TOMM70: variants seen among roughly 807,000 people sequenced by gnomAD.
TOMM70 encodes translocase of outer mitochondrial membrane 70.
TOMM70 carries 13 observed loss-of-function variants against 73.6 expected under a neutral mutation model. That is an observed-to-expected ratio of 0.18 (90% CI 0.11 to 0.28). The LOEUF (loss-of-function observed/expected upper bound fraction) is 0.28, where lower values mean the gene tolerates loss of function less well. Among genes scored for constraint, TOMM70 ranks in the 10% least tolerant of loss-of-function variants. The probability of loss-of-function intolerance (pLI) is 1.00; values close to 1 mark genes in which losing one functional copy is unlikely to be tolerated. For synonymous variants in TOMM70, 257 were observed against 271.2 expected, an observed-to-expected ratio of 0.95 and a Z score of 0.51; for missense variants, 609 against 747.5, an observed-to-expected ratio of 0.81 and a Z score of 2.16.
intron 1 of TOMM70, among the ~76,000 whole-genome samples, chr3:100,399,205 G>A (rs1706860011): frequency 6.6e-6 from 1 of 151,818 alleles, no homozygotes; most frequent in South Asian, 2.1e-4. Context: ...CTTGAACCCA[G>A]GAGGCGGAGG....
intron 1 of TOMM70, among the ~76,000 whole-genome samples, chr3:100,392,860 T>G (rs1706778847): frequency 6.6e-6 from 1 of 152,138 alleles, no homozygotes; most frequent in African/African-American, 2.4e-5. Context: ...GTATGTTTAT[T>G]GCAGCACAAT....
At chr3:100,381,472 T>A (rs1482462221) in intron 5 of TOMM70, 143 bp downstream of exon 5, 9 of 340,764 alleles carry the variant, frequency 2.6e-5, no homozygotes, top group Non-Finnish European at 4.2e-5. Context: ...TAATATTATA[T>A]AATTTTTAAT....
intron 11 of TOMM70, among the ~76,000 whole-genome samples, chr3:100,366,850 A>G (rs746763898): frequency 4.9e-4 from 75 of 152,338 alleles, no homozygotes; most frequent in Non-Finnish European, 7.5e-4. Flanking sequence ...AGCTTCGCTC[A>G]AAAAAGATTA....
rs1484014270 is a variant in TOMM70 at position 100,400,945 on chromosome 3, G to A, written c.5C>T (p.Ala2Val). The A allele has an allele frequency of 3.3e-6, 5 of 1,529,288 alleles. No individual in the cohort carries two copies. Among genetic ancestry groups the A allele is most frequent in the Non-Finnish European group, 4.4e-6 (5 of 1,144,566 alleles). The allele number at this position is 1,529,288 out of a possible 1,614,324, so 94.7% of individuals were successfully genotyped here. A position where few individuals can be genotyped will look rare whatever the true frequency, so the allele number is the denominator to read the frequency against. Residue 2 changes from alanine to valine, a missense_variant, in exon 1 of 12, where the codon GCC (alanine) becomes GTC (valine). Ala to Val is a moderately conservative substitution (Grantham distance 64). This residue lies in a region of TOMM70 where 177 missense variants were observed against 163.5 expected (regional missense o/e 1.08). Coordinates refer to ENST00000284320, the MANE Select transcript of TOMM70 (RefSeq NM_014820.5). The stretch of plus-strand genomic sequence containing the variant: ...CGCTGCCTCCACAGGTTTAGAGGCG[G>A]CCATGACAAGTGTCCTCTGCCACCG... M[A>V]ASKPVEAAVV... is the part of the protein sequence containing the mutation.
Position 100,365,656 on chromosome 3 carries a change from T to C in TOMM70, c.1735A>G (p.Met579Val), listed in dbSNP as rs757910991. The C allele has an allele frequency of 3.7e-5, 59 of 1,614,134 alleles. No homozygotes were observed. The highest frequency in any genetic ancestry group is 3.3e-5 in the South Asian group (3 of 91,088). Residue 579 changes from methionine to valine, a missense_variant, in exon 12 of 12, where the codon ATG becomes GTG. Physicochemically the swap from Met to Val is conservative, Grantham distance 21 (BLOSUM62 1). Coordinates refer to ENST00000284320, the MANE Select transcript of TOMM70 (RefSeq NM_014820.5). The part of the protein sequence containing the change: ...NKAINLAKSE[M>V]EMAHLYSLCD... ...AGTGAATACAGATGGGCCATCTCCA[T>C]TTCCGATTTGGCCAGGTTAATAGCT...
intron 5 of TOMM70, among the ~76,000 whole-genome samples, chr3:100,380,171 CT>C (rs1347464584): frequency 1.3e-5 from 2 of 151,998 alleles, no homozygotes; most frequent in African/African-American, 4.8e-5. Flanking sequence ...CATGGTGAAA[CT>C]CCGTCTCTAC....
At chr3:100,387,593 GACACAGACACAC>G (rs1249139761) in intron 1 of TOMM70, among the ~76,000 whole-genome samples, 3 of 98,744 alleles carry the variant, frequency 3.0e-5, no homozygotes, top group South Asian at 3.2e-4. Flanking sequence ...CACAGACACA[GACACAGACACAC>G]ACACACACAC....
chr3:100,377,729 G>C lies in TOMM70; in HGVS notation c.1068C>G (p.Ile356Met). The C allele has an allele frequency of 1.2e-6, 2 of 1,613,372 alleles. No homozygotes were observed. The highest frequency in any genetic ancestry group is 1.7e-6 in the Non-Finnish European group (2 of 1,179,432). ...NAAKPDLDKV[I>M]SLKEANVKLR... ...CCTTCACATTAGCTTCTTTCAAACT[G>C]ATGACTTTATCTAAATCTGGTTTGG... The change falls in exon 6 of 12, where the codon ATC (isoleucine) becomes ATG (methionine). Residue 356 changes from isoleucine to methionine, a missense_variant. This residue lies in a region of TOMM70 where 432 missense variants were observed against 584.1 expected (regional missense o/e 0.74). Coordinates refer to ENST00000284320, the MANE Select transcript of TOMM70 (RefSeq NM_014820.5).
chr3:100,385,942 C>T (rs899938791), intron 3 of TOMM70, among the ~76,000 whole-genome samples: 1 of 152,104 alleles, frequency 6.6e-6, no homozygotes, highest in African/African-American at 2.4e-5. Flanking sequence ...TTTCCTTATT[C>T]AGAGAATTAT....
chr3:100,399,278 CAAA>C (rs200617536), intron 1 of TOMM70, among the ~76,000 whole-genome samples: 1 of 91,288 alleles, frequency 1.1e-5, no homozygotes, highest in African/African-American at 4.0e-5. Flanking sequence ...GACTCCATCT[CAAA>C]AAAAAAAAAA....
chr3:100,367,956 T>C, intron 11 of TOMM70, 88 bp downstream of exon 11: 1 of 1,352,384 alleles, frequency 7.4e-7, no homozygotes, highest in Non-Finnish European at 1.0e-6. Flanking sequence ...GGAAAGAACA[T>C]AACAGACTTT....
chr3:100,391,020 A>G (rs1340315639), intron 1 of TOMM70, among the ~76,000 whole-genome samples: 3 of 152,072 alleles, frequency 2.0e-5, no homozygotes, highest in Non-Finnish European at 2.9e-5. Flanking sequence ...GGGCGCCTGT[A>G]GTCCCAGCTA....
At chr3:100,396,939 A>G (rs1706832580) in intron 1 of TOMM70, among the ~76,000 whole-genome samples, 1 of 152,276 alleles carries the variant, frequency 6.6e-6, no homozygotes. Context: ...CCCAATAGAC[A>G]GAAGTCCAGT....
At chr3:100,384,438 G>C in intron 4 of TOMM70, 41 bp downstream of exon 4, 3 of 1,418,432 alleles carry the variant, frequency 2.1e-6, no homozygotes. Flanking sequence ...CCTTCACAAT[G>C]TACACAGTAC....
intron 1 of TOMM70, among the ~76,000 whole-genome samples, chr3:100,392,739 G>C (rs1245068876): frequency 6.6e-6 from 1 of 151,992 alleles, no homozygotes; most frequent in Non-Finnish European, 1.5e-5. Context: ...TAAAGAACTA[G>C]AATAGACATA....
chr3:100,371,486 CA>C (rs35328496), intron 9 of TOMM70, among the ~76,000 whole-genome samples: 22,918 of 151,684 alleles, frequency 0.15, 3,221 homozygotes, highest in East Asian at 0.49. Flanking sequence ...AGGCTAGTCT[CA>C]AAACTCCTGG....
chr3:100,400,646 G>C lies in TOMM70; in HGVS notation c.304C>G (p.Pro102Ala). The C allele has an allele frequency of 1.9e-6, 3 of 1,612,284 alleles. No homozygotes were observed. Among genetic ancestry groups the C allele is most frequent in the Non-Finnish European group, 2.5e-6 (3 of 1,179,622 alleles). The change falls in exon 1 of 12, where the codon CCC becomes GCC. Residue 102 changes from proline to alanine, a missense_variant. This residue lies in a region of TOMM70 where 177 missense variants were observed against 163.5 expected (regional missense o/e 1.08). Transcript: ENST00000284320. ...CTCACCATGTCCAAGTGAGCACCGG[G>C]ACCTTCAGGGTGTCCGCTGCCCGGG... ...PAPGSGHPEG[P>A]GAHLDMNSLD...
chr3:100,399,072 A>G (rs1272630287), intron 1 of TOMM70, among the ~76,000 whole-genome samples: 1 of 152,186 alleles, frequency 6.6e-6, no homozygotes, highest in East Asian at 1.9e-4. Context: ...ACCTGAGGTC[A>G]GGAGTTCAAG....
At chr3:100,395,542 C>CAA (rs59048767) in intron 1 of TOMM70, among the ~76,000 whole-genome samples, 8,485 of 80,936 alleles carry the variant, frequency 0.1, 753 homozygotes, top group African/African-American at 0.2. Flanking sequence ...GACTCCAACT[C>CAA]AAAAAAAAAA....
Sources: allele counts gnomAD v4.1 joint callset (sites outside exome capture counted in the v4.1 genomes callset), GRCh38; gene constraint gnomAD v4.1.1; regional missense constraint gnomAD v4.1.1; transcripts MANE v1.5; gene names NCBI Gene and HGNC (gene_info 2026-07-23, HGNC 2026-07-21).